ARGFX: variants seen among roughly 807,000 people sequenced by gnomAD.
ARGFX encodes the protein arginine-fifty homeobox.
ARGFX carries 10 observed loss-of-function variants against 8.0 expected under a neutral mutation model. The observed-to-expected ratio is 1.25, with a 90% CI of 0.77 to 2.12. ARGFX has a LOEUF of 2.12. Among genes scored for constraint, ARGFX ranks in the 30% most tolerant of loss-of-function variants. The pLI, the probability that ARGFX is intolerant of heterozygous loss-of-function variation, is 0.00. For missense variants in ARGFX, 282 were observed against 324.3 expected, an observed-to-expected ratio of 0.87 and a Z score of 1.00; for synonymous variants, 116 against 117.8, an observed-to-expected ratio of 0.98 and a Z score of 0.10.
intron 2 of ARGFX, 131 bp downstream of exon 2, chr3:121,570,947 C>T: frequency 1.7e-6 from 1 of 605,496 alleles, no homozygotes; most frequent in Non-Finnish European, 2.7e-6. Flanking sequence ...AAAGTCTTCC[C>T]ATCATAAAAG....
intron 3 of ARGFX, among the ~76,000 whole-genome samples, chr3:121,579,033 T>C (rs1352110228): frequency 3.9e-5 from 6 of 152,200 alleles, no homozygotes; most frequent in Admixed American, 3.9e-4. Context: ...TCAAGATTAC[T>C]GCTTAAAACT....
intron 3 of ARGFX, among the ~76,000 whole-genome samples, 174 bp downstream of exon 3, chr3:121,577,074 A>G (rs918280094): frequency 2.0e-5 from 3 of 151,340 alleles, no homozygotes; most frequent in Non-Finnish European, 4.4e-5. Context: ...GTTCCATTCT[A>G]TCTCCTCTCT....
intron 3 of ARGFX, 92 bp from the exon 4 acceptor site, chr3:121,584,825 T>C (rs1560122643): frequency 1.4e-6 from 2 of 1,417,942 alleles, no homozygotes; most frequent in East Asian, 4.6e-5. Context: ...AGATTCACCA[T>C]GGTGATTTGT....
At chr3:121,585,540 A>G (rs191592130) in intron 4 of ARGFX, among the ~76,000 whole-genome samples, 7 of 151,960 alleles carry the variant, frequency 4.6e-5, no homozygotes, top group South Asian at 2.1e-4. Context: ...GGGTCTCACT[A>G]TGTTGCCCAG....
At chr3:121,577,881 G>A (rs2048753485) in intron 3 of ARGFX, among the ~76,000 whole-genome samples, 1 of 151,890 alleles carries the variant, frequency 6.6e-6, no homozygotes, top group African/African-American at 2.4e-5. Context: ...GCCTCCTGGG[G>A]TTCAAGCGAT....
At chr3:121,569,847 GTACATT>G (rs2108833322) in intron 1 of ARGFX, among the ~76,000 whole-genome samples, 1 of 152,218 alleles carries the variant, frequency 6.6e-6, no homozygotes, top group African/African-American at 2.4e-5. Context: ...TTATTCCCCT[GTACATT>G]TGTTATAGAA....
At position 121,586,259 on chromosome 3, in the gene ARGFX, T is replaced by C. The variant is rs1475976694; in HGVS notation, c.607T>C (p.Phe203Leu). 6.2e-6 allele frequency: 10 copies of C among 1,614,202 alleles called. No individual in the cohort carries two copies. In the East Asian group the frequency reaches 2.0e-4, roughly 32 times the overall value. Residue 203 changes from phenylalanine (F) to leucine (L), a missense_variant, in exon 5 of 5, where the codon TTC (phenylalanine) becomes CTC (leucine). Transcript: ENST00000334384. ...CTTCACTGAGAGTTCTACCAGTGAC[T>C]TCCAAATGCAAGATACTCAGTGGGA... ...STFTESSTSD[F>L]QMQDTQWERL...
In ARGFX at chr3:121,570,966, C is replaced by A. The variant is rs531236513; in HGVS notation, c.103+150C>A. 18 of 546,188 alleles carry A rather than the reference C, an allele frequency of 3.3e-5. No homozygotes were observed. In the South Asian group the frequency reaches 7.3e-4, roughly 22 times the overall value. 33.8% of individuals were successfully genotyped at this position (546,188 alleles called of 1,614,324 possible). A position where few individuals can be genotyped will look rare whatever the true frequency, so the allele number is the denominator to read the frequency against. On this transcript the variant is annotated intron_variant, in intron 2 of 4. Coordinates refer to ENST00000334384, the MANE Select transcript of ARGFX (RefSeq NM_001012659.2). ...TCTTCCCATCATAAAAGGAGAAATA[C>A]ATTTCAAATCAAATGGGCCTTTGGC...
intron 4 of ARGFX, 25 bp downstream of exon 4, chr3:121,585,090 G>T: frequency 6.2e-7 from 1 of 1,610,498 alleles, no homozygotes; most frequent in South Asian, 1.1e-5. Flanking sequence ...GGTGTGCTTG[G>T]TACCCCCATC....
chr3:121,582,612 AGT>A (rs2108838346), intron 3 of ARGFX, among the ~76,000 whole-genome samples: 1 of 152,230 alleles, frequency 6.6e-6, no homozygotes, highest in East Asian at 1.9e-4. Context: ...TTTTATCTAT[AGT>A]GTTTATTTTT....
chr3:121,571,487 A>G (rs935788143), intron 2 of ARGFX, among the ~76,000 whole-genome samples: 2 of 151,938 alleles, frequency 1.3e-5, no homozygotes, highest in Admixed American at 1.3e-4. Flanking sequence ...ATTGAAAACT[A>G]TAAAATGTTG....
At chr3:121,568,723 G>T (rs2048688475) in intron 1 of ARGFX, among the ~76,000 whole-genome samples, 1 of 152,180 alleles carries the variant, frequency 6.6e-6, no homozygotes, top group Non-Finnish European at 1.5e-5. Flanking sequence ...GTTTGTCGAG[G>T]ATCACATGAA....
Position 121,586,345 on chromosome 3 carries a change from A to G in ARGFX, c.693A>G (p.Ile231Met), listed in dbSNP as rs1372171621. 1.2e-6 allele frequency: 2 copies of G among 1,614,236 alleles called. No individual in the cohort carries two copies. Among genetic ancestry groups the G allele is most frequent in the Admixed American group, 3.3e-5 (2 of 60,024 alleles). ...ATGCCTATGACATATTCCAAATCAT[A>G]GAACTGTACAATCTTCCTGATGAGA... Reference protein sequence around the residue: ...YSDAYDIFQIIELYNLPDENE... With the variant: ...YSDAYDIFQIMELYNLPDENE... Residue 231 changes from isoleucine to methionine, a missense_variant, in exon 5 of 5, where the codon ATA becomes ATG. Physicochemically the swap from Ile to Met is conservative, Grantham distance 10. Coordinates refer to ENST00000334384, the MANE Select transcript of ARGFX (RefSeq NM_001012659.2).
Position 121,576,769 on chromosome 3 carries a change from CT to C in ARGFX, c.104-8del. 1 of 298,668 alleles carries C rather than the reference CT, an allele frequency of 3.3e-6. No homozygotes were observed. The highest frequency in any genetic ancestry group is 3.1e-5 in the African/African-American group (1 of 32,730). 18.5% of individuals were successfully genotyped at this position (298,668 alleles called of 1,614,324 possible). On this transcript the variant is annotated splice_polypyrimidine_tract_variant and intron_variant, in intron 2 of 4. Coordinates refer to ENST00000334384, the MANE Select transcript of ARGFX (RefSeq NM_001012659.2). ...TTTTTCTCTTTCTTTCTTTCCTTTT[CT>C]TTTTTTGAGACAGGTTTCACTCTGT...
chr3:121,585,931 A>G (rs746967355), intron 4 of ARGFX, 91 bp from the exon 5 acceptor site: 7 of 1,246,568 alleles, frequency 5.6e-6, no homozygotes, highest in Non-Finnish European at 7.9e-6. Context: ...GAGGACATGA[A>G]GATTATAACC....
intron 3 of ARGFX, among the ~76,000 whole-genome samples, chr3:121,577,259 A>ATATATATATATATTTTT (rs1403064031): frequency 3.4e-5 from 2 of 59,642 alleles, no homozygotes; most frequent in African/African-American, 1.2e-4. Context: ...ATATATATAT[A>ATATATATATATATTTTT]TTTTTTTTTT....
chr3:121,577,730 G>T (rs2048752374), intron 3 of ARGFX, among the ~76,000 whole-genome samples: 1 of 152,022 alleles, frequency 6.6e-6, no homozygotes, highest in South Asian at 2.1e-4. Flanking sequence ...AATATAATTA[G>T]TGCCTTACAT....
intron 2 of ARGFX, 75 bp downstream of exon 2, chr3:121,570,891 C>G: frequency 1.9e-6 from 2 of 1,055,224 alleles, no homozygotes; most frequent in Non-Finnish European, 1.3e-6. Context: ...TTGCATTTTG[C>G]ATTTGTTTTA....
chr3:121,582,123 T>C (rs1231621725), intron 3 of ARGFX, among the ~76,000 whole-genome samples: 2 of 152,148 alleles, frequency 1.3e-5, no homozygotes, highest in Non-Finnish European at 2.9e-5. Context: ...AGTTTGTAAA[T>C]TGTTATTTTT....
Sources: allele counts gnomAD v4.1 joint callset (sites outside exome capture counted in the v4.1 genomes callset), GRCh38; gene constraint gnomAD v4.1.1; transcripts MANE v1.5; gene names NCBI Gene and HGNC (gene_info 2026-07-23, HGNC 2026-07-21).